The following ABCA4 variants were observed in gnomAD, a reference collection of about 807,000 sequenced individuals.
ABCA4 encodes the protein retinal-specific phospholipid-transporting ATPase ABCA4.
ABCA4 carries 196 observed loss-of-function variants against 263.7 expected under a neutral mutation model. That is an observed-to-expected ratio of 0.74 (90% CI 0.66 to 0.84). The LOEUF (loss-of-function observed/expected upper bound fraction) is 0.84. Ranked by LOEUF, ABCA4 falls within the 40% of genes least tolerant of loss-of-function variation. The pLI is 0.00. For missense variants in ABCA4, 2,792 were observed against 2,855.1 expected (o/e 0.98, Z 0.50); for synonymous variants, 1,133 against 1,094.2 (o/e 1.04, Z -0.70).
intron 11 of ABCA4, among the ~76,000 whole-genome samples, chr1:94,070,117 A>T (rs879633471): frequency 2.0e-5 from 3 of 152,164 alleles, no homozygotes; most frequent in Non-Finnish European, 4.4e-5. Context: ...ATGCTACTAT[A>T]TTCAAAACAT....
chr1:94,111,906 G>T lies in ABCA4; in HGVS notation c.161-327C>A, dbSNP rs3789438. On this transcript the variant is annotated intron_variant, in intron 2 of 49. Transcript: ENST00000370225. The stretch of plus-strand genomic sequence containing the variant: ...GAGTGTTAGTTCAAGAAGACTCCAC[G>T]CAGTTGCTGCTGCTGCTTGAGCAGA... 0.15 allele frequency among the ~76,000 whole-genome samples: 23,366 copies of T among 152,170 alleles called. 2,307 individuals are homozygous for T. The highest frequency in any genetic ancestry group is 0.27 in the East Asian group (1,394 of 5,158).
intron 11 of ABCA4, among the ~76,000 whole-genome samples, chr1:94,071,688 G>T (rs1319188780): frequency 6.6e-6 from 1 of 152,196 alleles, no homozygotes; most frequent in Non-Finnish European, 1.5e-5. Flanking sequence ...TTCAATATCA[G>T]TCCACCCTAT....
In ABCA4 at chr1:94,111,579, C is replaced by T. The variant is rs150774447; in HGVS notation, c.161G>A (p.Cys54Tyr). 129 of 1,614,050 alleles carry T rather than the reference C, an allele frequency of 8.0e-5. No individual in the cohort carries two copies. Among genetic ancestry groups the T allele is most frequent in the Non-Finnish European group, 9.8e-5 (116 of 1,180,036 alleles). ...GGGCATCGCCTTGTTGGGGAAATGGCCTTTAAAACAGAAAATGAGGACAAG... is the reference window on the plus strand; with the variant it reads ...GGGCATCGCCTTGTTGGGGAAATGGTCTTTAAAACAGAAAATGAGGACAAG... ...NANPLYSHHECHFPNKAMPSA... is the reference protein window; with the variant it reads ...NANPLYSHHEYHFPNKAMPSA... The change falls in exon 3 of 50, where the codon TGC (cysteine) becomes TAC (tyrosine). Residue 54 changes from cysteine to tyrosine, a missense_variant and splice_region_variant. Cys to Tyr is a radical substitution (Grantham distance 194, BLOSUM62 -2). Transcript: ENST00000370225.
intron 35 of ABCA4, 150 bp from the exon 36 acceptor site, chr1:94,019,909 C>T (rs57003349): frequency 1.2e-6 from 1 of 828,604 alleles, no homozygotes; most frequent in Non-Finnish European, 2.0e-6. Context: ...TGTCACTCCA[C>T]TAAACTGTCT....
In ABCA4 at chr1:94,032,003, G is replaced by T. The variant is rs1183899256; in HGVS notation, c.3903C>A (p.His1301Gln). The change falls in exon 27 of 50, where the codon CAC becomes CAA. Residue 1301 changes from histidine to glutamine, a missense_variant. His to Gln is a conservative substitution (Grantham distance 24, BLOSUM62 0). Transcript: ENST00000370225. ...QQKRENVNPR[H>Q]PCLGPREKAG... ...CCTTCTCTCTGGGACCCAAGCAGGG[G>T]TGTCGGGGGTTGACGTTTTCTCTTT... The T allele has an allele frequency of 1.2e-6, 2 of 1,613,714 alleles. No individual in the cohort carries two copies. Among genetic ancestry groups the T allele is most frequent in the Admixed American group, 3.3e-5 (2 of 60,024 alleles).
intron 44 of ABCA4, among the ~76,000 whole-genome samples, chr1:94,004,912 C>T (rs112487800): frequency 1.3e-5 from 2 of 152,150 alleles, no homozygotes; most frequent in Non-Finnish European, 2.9e-5. Context: ...GTAGCGTTCT[C>T]TATGTTCTGT....
chr1:94,045,014 C>A (rs1350669307), intron 19 of ABCA4, among the ~76,000 whole-genome samples: 1 of 152,234 alleles, frequency 6.6e-6, no homozygotes. Context: ...GGATTCCCAG[C>A]CTCAAAATGT....
At chr1:93,994,420 A>G (rs1024146212) in intron 49 of ABCA4, among the ~76,000 whole-genome samples, 1 of 152,254 alleles carries the variant, frequency 6.6e-6, no homozygotes, top group African/African-American at 2.4e-5. Context: ...TTGGAGTTGT[A>G]AAGCCAATGG....
At chr1:94,061,764 A>C (rs1661135455) in intron 13 of ABCA4, among the ~76,000 whole-genome samples, 1 of 152,176 alleles carries the variant, frequency 6.6e-6, no homozygotes, top group Admixed American at 6.5e-5. Flanking sequence ...AACCCAAACT[A>C]ACTGCAGACT....
At chr1:94,072,239 C>G (rs1661419097) in intron 11 of ABCA4, among the ~76,000 whole-genome samples, 1 of 152,144 alleles carries the variant, frequency 6.6e-6, no homozygotes, top group African/African-American at 2.4e-5. Flanking sequence ...ACTGTGTTGA[C>G]AGCAGAGGAA....
chr1:94,078,072 T>A (rs564292551), intron 10 of ABCA4, among the ~76,000 whole-genome samples, 185 bp from the exon 11 acceptor site: 1 of 152,272 alleles, frequency 6.6e-6, no homozygotes, highest in South Asian at 2.1e-4. Context: ...AGTCCATGGG[T>A]CTCTAGAATA....
At chr1:94,008,905 C>A (rs770606031) in intron 40 of ABCA4, 34 bp from the exon 41 acceptor site, 2 of 1,608,262 alleles carry the variant, frequency 1.2e-6, no homozygotes, top group East Asian at 4.5e-5. Context: ...ATTGGGCTGG[C>A]TGTACAGTGT....
chr1:94,085,878 C>T (rs1661812761), intron 6 of ABCA4, among the ~76,000 whole-genome samples: 1 of 152,110 alleles, frequency 6.6e-6, no homozygotes, highest in African/African-American at 2.4e-5. Context: ...AAGTCTCATT[C>T]CTAACATGAT....
At chr1:94,097,861 G>T (rs576031535) in intron 6 of ABCA4, among the ~76,000 whole-genome samples, 29 of 152,188 alleles carry the variant, frequency 1.9e-4, no homozygotes, top group African/African-American at 6.0e-4. Flanking sequence ...GCCATTCTCC[G>T]GCCTCAGCCT....
At chr1:94,027,088 G>A (rs986727813) in intron 30 of ABCA4, among the ~76,000 whole-genome samples, 3 of 152,186 alleles carry the variant, frequency 2.0e-5, no homozygotes, top group African/African-American at 7.2e-5. Context: ...AAGAGTGAGT[G>A]AGAGAGACAG....
chr1:94,022,103 C>CT (rs1659919708), intron 32 of ABCA4, 152 bp from the exon 33 acceptor site: 1 of 723,686 alleles, frequency 1.4e-6, no homozygotes, highest in African/African-American at 1.7e-5. Context: ...GCTTTTAACT[C>CT]TTTTCCCACT....
chr1:94,036,742 G>A lies in ABCA4; in HGVS notation c.3860C>T (p.Ala1287Val), dbSNP rs200439056. The A allele has an allele frequency of 3.1e-6, 5 of 1,613,896 alleles. No individual in the cohort carries two copies. Among genetic ancestry groups the A allele is most frequent in the Non-Finnish European group, 4.2e-6 (5 of 1,179,832 alleles). The change falls in exon 26 of 50, where the codon GCG (alanine) becomes GTG (valine). Residue 1287 changes from alanine (A) to valine (V), a missense_variant and splice_region_variant. Coordinates refer to ENST00000370225, the MANE Select transcript of ABCA4 (RefSeq NM_000350.3). ...TEDSDSGPLF[A>V]GGAQQKRENV... Reference sequence around the variant, plus strand: ...AGCCACTGGCTCCAGCACCATACCCGCAAACAGAGGTCCTGAATCAGAATC... The same window carrying A: ...AGCCACTGGCTCCAGCACCATACCCACAAACAGAGGTCCTGAATCAGAATC...
chr1:94,115,702 T>A (rs55658984), intron 1 of ABCA4, among the ~76,000 whole-genome samples: 13,074 of 152,188 alleles, frequency 0.086, 697 homozygotes, highest in East Asian at 0.26. Flanking sequence ...TGGCATGAGG[T>A]AACACTCAAT....
chr1:94,012,630 T>C (rs569128219), intron 38 of ABCA4, among the ~76,000 whole-genome samples: 21 of 152,244 alleles, frequency 1.4e-4, no homozygotes, highest in South Asian at 2.1e-4. Context: ...CAGGCTGAAA[T>C]TGAACTTCCT....
Sources: allele counts gnomAD v4.1 joint callset (sites outside exome capture counted in the v4.1 genomes callset), GRCh38; gene constraint gnomAD v4.1.1; transcripts MANE v1.5; gene names NCBI Gene and HGNC (gene_info 2026-07-23, HGNC 2026-07-21).